Variants in CTNNA2 observed in about 807,000 individuals in gnomAD.
The protein encoded by CTNNA2 is catenin alpha 2.
In CTNNA2, 42 loss-of-function variants were observed where a neutral mutation model predicts 101.0. That is an observed-to-expected ratio of 0.42 (90% CI 0.32 to 0.54). CTNNA2 has a LOEUF of 0.54. Among genes scored for constraint, CTNNA2 ranks in the 20% least tolerant of loss-of-function variants. The probability of loss-of-function intolerance (pLI) is 0.14; values close to 1 mark genes in which losing one functional copy is unlikely to be tolerated. For missense variants in CTNNA2, 871 were observed against 1,223.1 expected (o/e 0.71, Z 4.29); for synonymous variants, 450 against 456.4 (o/e 0.99, Z 0.18).
At chr2:79,794,626 T>G (rs2105268629) in intron 3 of CTNNA2, among the ~76,000 whole-genome samples, 1 of 152,322 alleles carries the variant, frequency 6.6e-6, no homozygotes. Flanking sequence ...AAGCGTACAA[T>G]ATTTTATCAT....
chr2:79,486,555 A>G (rs947624924), intron 4 of CTNNA2, among the ~76,000 whole-genome samples: 1 of 152,290 alleles, frequency 6.6e-6, no homozygotes, highest in Admixed American at 6.5e-5. Flanking sequence ...GTGTCTTTAT[A>G]GCAGCATGTT....
intron 13 of CTNNA2, among the ~76,000 whole-genome samples, chr2:80,576,658 A>G (rs962950621): frequency 1.3e-5 from 2 of 151,860 alleles, no homozygotes; most frequent in Admixed American, 6.6e-5. Flanking sequence ...ACCTTGTTTT[A>G]TGTGAGTTTG....
intron 4 of CTNNA2, among the ~76,000 whole-genome samples, chr2:79,866,875 A>G (rs1012830242): frequency 1.3e-5 from 2 of 152,156 alleles, no homozygotes; most frequent in African/African-American, 4.8e-5. Context: ...AGACATTATT[A>G]TCCTCATTTT....
chr2:80,474,006 G>T (rs1685518064), intron 9 of CTNNA2, among the ~76,000 whole-genome samples: 1 of 152,128 alleles, frequency 6.6e-6, no homozygotes, highest in South Asian at 2.1e-4. Flanking sequence ...CAGCTTCAAT[G>T]CAGGCACAGC....
intron 4 of CTNNA2, among the ~76,000 whole-genome samples, chr2:79,410,701 C>G (rs1678399766): frequency 6.7e-6 from 1 of 149,136 alleles, no homozygotes; most frequent in Non-Finnish European, 1.5e-5. Context: ...ATTCGGTTTG[C>G]CAGTATTTTA....
At chr2:80,628,352 C>G (rs1217165919) in intron 18 of CTNNA2, among the ~76,000 whole-genome samples, 2 of 151,980 alleles carry the variant, frequency 1.3e-5, no homozygotes, top group Non-Finnish European at 2.9e-5. Context: ...ATCACGTTAC[C>G]TGACTTCAAA....
At chr2:80,496,239 G>A (rs540497532) in intron 9 of CTNNA2, among the ~76,000 whole-genome samples, 3 of 152,126 alleles carry the variant, frequency 2.0e-5, no homozygotes, top group Non-Finnish European at 4.4e-5. Context: ...TGTTACGACA[G>A]CCCCAGGAAA....
chr2:79,473,811 G>C (rs114527134), intron 4 of CTNNA2, among the ~76,000 whole-genome samples: 1,626 of 152,176 alleles, frequency 0.011, 32 homozygotes, highest in African/African-American at 0.035. Flanking sequence ...CTGAGATAAA[G>C]AATGCTAGAA....
chr2:79,681,269 C>G (rs1412282485), intron 2 of CTNNA2, among the ~76,000 whole-genome samples: 1 of 152,168 alleles, frequency 6.6e-6, no homozygotes, highest in Non-Finnish European at 1.5e-5. Context: ...CCAATAGACA[C>G]TCTTTGGAGG....
chr2:79,240,429 G>A (rs1455677695), intron 2 of CTNNA2, among the ~76,000 whole-genome samples: 1 of 151,944 alleles, frequency 6.6e-6, no homozygotes, highest in African/African-American at 2.4e-5. Context: ...GCGTTCATGT[G>A]TACTCAATAT....
chr2:79,406,031 T>C (rs1342937906), intron 4 of CTNNA2, among the ~76,000 whole-genome samples: 3 of 151,944 alleles, frequency 2.0e-5, no homozygotes, highest in Non-Finnish European at 4.4e-5. Context: ...AAGAACGATG[T>C]CACAGAATTG....
At chr2:80,534,623 A>G (rs748527883) in intron 9 of CTNNA2, among the ~76,000 whole-genome samples, 1 of 152,196 alleles carries the variant, frequency 6.6e-6, no homozygotes, top group Non-Finnish European at 1.5e-5. Flanking sequence ...CCTGATTTGC[A>G]CTTGTGGTTT....
chr2:79,818,978 CTT>C (rs763868991), intron 3 of CTNNA2, among the ~76,000 whole-genome samples: 36 of 131,666 alleles, frequency 2.7e-4, no homozygotes, highest in Non-Finnish European at 2.6e-4. Context: ...TATTCTTTTT[CTT>C]TTTTTTTTTT....
rs188654746 is a variant in CTNNA2 at position 80,209,265 on chromosome 2, G to C, written c.1057-183946G>C. 5.4e-3 allele frequency among the ~76,000 whole-genome samples: 810 copies of C among 149,222 alleles called. 7 individuals are homozygous for C. The highest frequency in any genetic ancestry group is 0.019 in the African/African-American group (773 of 40,352). On this transcript the variant is annotated intron_variant, in intron 7 of 18. Coordinates refer to ENST00000402739, the MANE Select transcript of CTNNA2 (RefSeq NM_001282597.3). Reference sequence around the variant, plus strand: ...TGCCCAGGCTGAACTGCAGCGGCACGATCCTGGCTCACTGCAACCTCCGCC... The same window carrying C: ...TGCCCAGGCTGAACTGCAGCGGCACCATCCTGGCTCACTGCAACCTCCGCC...
rs1676567887 is a variant in CTNNA2, at chr2:80,303,445, G to A, written c.1057-89766G>A. The A allele has an allele frequency of 6.2e-7, 1 of 1,614,248 alleles. No individual in the cohort carries two copies. The highest frequency in any genetic ancestry group is 8.5e-7 in the Non-Finnish European group (1 of 1,180,054). On this transcript the variant is annotated intron_variant, in intron 7 of 18. Transcript: ENST00000402739. This position sits in a 1 kb window ranked among gnomAD's most constrained non-coding sequence, Gnocchi z 7.7. ...GGAAGGTGGTGTTGGGCAGTTGGGT[G>A]ATCTGGTTGGAACTCAGCGTGAGTT...
chr2:80,474,872 C>A (rs1221408636), intron 9 of CTNNA2, among the ~76,000 whole-genome samples: 1 of 152,140 alleles, frequency 6.6e-6, no homozygotes, highest in Non-Finnish European at 1.5e-5. Flanking sequence ...TAGCATTCTT[C>A]CCTGGGGATG....
chr2:80,433,226 G>T (rs1472546540), intron 9 of CTNNA2, among the ~76,000 whole-genome samples: 3 of 152,142 alleles, frequency 2.0e-5, no homozygotes, highest in East Asian at 3.9e-4. Flanking sequence ...CTTTTCCTGT[G>T]CCTATTCTGT....
At chr2:79,675,292 G>A (rs1427868531) in intron 2 of CTNNA2, among the ~76,000 whole-genome samples, 1 of 152,124 alleles carries the variant, frequency 6.6e-6, no homozygotes, top group African/African-American at 2.4e-5. Context: ...GATTCAAATT[G>A]TACAAAACCC....
intron 7 of CTNNA2, among the ~76,000 whole-genome samples, chr2:80,081,491 T>TCTCC (rs200076866): frequency 2.2e-4 from 34 of 151,142 alleles, no homozygotes; most frequent in Middle Eastern, 3.4e-3. Flanking sequence ...TCTGTCTCTC[T>TCTCC]CTCCCTCCCT....
Sources: allele counts gnomAD v4.1 joint callset (sites outside exome capture counted in the v4.1 genomes callset), GRCh38; gene constraint gnomAD v4.1.1; non-coding constraint Gnocchi (gnomAD v3.1); transcripts MANE v1.5; gene names NCBI Gene and HGNC (gene_info 2026-07-23, HGNC 2026-07-21).